Variants in SMARCAL1 observed in about 807,000 individuals in gnomAD.
SMARCAL1 encodes SNF2 related chromatin remodeling annealing helicase 1.
In SMARCAL1, 58 loss-of-function variants were observed where a neutral mutation model predicts 94.5. That is an observed-to-expected ratio of 0.61 (90% CI 0.50 to 0.76). The LOEUF is 0.76. Ranked by LOEUF, SMARCAL1 falls within the 30% of genes least tolerant of loss-of-function variation. The pLI, the probability that SMARCAL1 is intolerant of heterozygous loss-of-function variation, is 0.00. For synonymous variants in SMARCAL1, 422 were observed against 455.1 expected (o/e 0.93, Z 0.93); for missense variants, 1,051 against 1,177.9 (o/e 0.89, Z 1.58).
intron 11 of SMARCAL1, among the ~76,000 whole-genome samples, chr2:216,448,746 C>T (rs899300865): frequency 2.6e-5 from 4 of 152,008 alleles, no homozygotes; most frequent in Admixed American, 6.6e-5. Context: ...GCACGAGAAT[C>T]GCTTCAACCC....
At chr2:216,423,492 C>T (rs962028577) in intron 5 of SMARCAL1, 141 bp from the exon 6 acceptor site, 29 of 736,094 alleles carry the variant, frequency 3.9e-5, no homozygotes, top group East Asian at 7.8e-5. Flanking sequence ...TTTCTGTATC[C>T]GCAGTGCTAG....
intron 6 of SMARCAL1, among the ~76,000 whole-genome samples, chr2:216,425,560 C>T (rs906990345): frequency 2.0e-5 from 3 of 152,166 alleles, no homozygotes; most frequent in African/African-American, 7.2e-5. Flanking sequence ...GGCGAGCAGA[C>T]CAAGAATGTG....
chr2:216,438,095 G>C (rs1297597882), intron 9 of SMARCAL1, among the ~76,000 whole-genome samples: 1 of 152,252 alleles, frequency 6.6e-6, no homozygotes, highest in East Asian at 1.9e-4. Context: ...ACAGGTGGGA[G>C]GTGCCTCTTA....
At chr2:216,436,993 A>G (rs1694094556) in intron 9 of SMARCAL1, among the ~76,000 whole-genome samples, 1 of 152,246 alleles carries the variant, frequency 6.6e-6, no homozygotes, top group Admixed American at 6.5e-5. Flanking sequence ...AACCTGCTGT[A>G]TGATTTTTGG....
chr2:216,457,710 C>T (rs568237624), intron 12 of SMARCAL1, among the ~76,000 whole-genome samples: 24 of 152,280 alleles, frequency 1.6e-4, no homozygotes, highest in African/African-American at 5.8e-4. Flanking sequence ...AAATTTATAG[C>T]ACTAAATGCC....
intron 12 of SMARCAL1, among the ~76,000 whole-genome samples, chr2:216,454,559 T>G (rs1219293160): frequency 1.3e-5 from 2 of 152,168 alleles, no homozygotes; most frequent in Non-Finnish European, 2.9e-5. Flanking sequence ...AGTTTCCTAA[T>G]CTGCACAGTG....
chr2:216,453,685 G>A (rs2106058423), intron 12 of SMARCAL1, among the ~76,000 whole-genome samples: 1 of 152,258 alleles, frequency 6.6e-6, no homozygotes, highest in Non-Finnish European at 1.5e-5. Context: ...AGGCCCTGTG[G>A]ATCTATAGAA....
chr2:216,414,713 G>T lies in SMARCAL1; in HGVS notation c.9G>T (p.Leu3Phe). ...AGCATTTCTCTGTGAAAATGTCCTT[G>T]CCTCTTACAGAGGAGCAGAGGAAAA... MS[L>F]PLTEEQRKKI... Residue 3 changes from leucine (L) to phenylalanine (F), a missense_variant, in exon 3 of 18, where the codon TTG (leucine) becomes TTT (phenylalanine). Physicochemically the swap from Leu to Phe is conservative, Grantham distance 22. Around this residue, in one of 3 missense-constraint regions of SMARCAL1, gnomAD observed 398 missense variants for 395.2 expected, o/e 1.01. Transcript: ENST00000357276. 1 of 1,613,574 alleles carries T rather than the reference G, an allele frequency of 6.2e-7. No homozygotes were observed. The highest frequency in any genetic ancestry group is 8.5e-7 in the Non-Finnish European group (1 of 1,179,506).
intron 12 of SMARCAL1, among the ~76,000 whole-genome samples, chr2:216,459,552 C>G (rs1274902169): frequency 6.6e-6 from 1 of 152,016 alleles, no homozygotes; most frequent in Non-Finnish European, 1.5e-5. Context: ...CTATCTGATC[C>G]TTGACAAACC....
chr2:216,461,387 A>C (rs895479284), intron 12 of SMARCAL1, among the ~76,000 whole-genome samples: 1 of 151,880 alleles, frequency 6.6e-6, no homozygotes, highest in Non-Finnish European at 1.5e-5. Context: ...ATGTATCTGC[A>C]TATAAATATA....
intron 10 of SMARCAL1, among the ~76,000 whole-genome samples, chr2:216,443,580 G>A (rs556894365): frequency 6.6e-6 from 1 of 152,268 alleles, no homozygotes; most frequent in Admixed American, 6.5e-5. Context: ...TAGCTTGAAG[G>A]CATTATGGTT....
At chr2:216,430,829 C>T (rs1026430552) in intron 7 of SMARCAL1, among the ~76,000 whole-genome samples, 1 of 152,250 alleles carries the variant, frequency 6.6e-6, no homozygotes, top group Admixed American at 6.5e-5. Flanking sequence ...CCTCGCTGGC[C>T]ACCAATTTTG....
At chr2:216,462,199 T>C (rs534576047) in intron 12 of SMARCAL1, among the ~76,000 whole-genome samples, 1 of 152,356 alleles carries the variant, frequency 6.6e-6, no homozygotes, top group Admixed American at 6.5e-5. Context: ...GCAAGATTCC[T>C]GAAAGTGCTT....
intron 7 of SMARCAL1, among the ~76,000 whole-genome samples, 154 bp downstream of exon 7, chr2:216,428,936 G>A (rs1008421614): frequency 1.3e-5 from 2 of 152,212 alleles, no homozygotes; most frequent in African/African-American, 2.4e-5. Flanking sequence ...CAGGTGTGCT[G>A]TTACCAAAGC....
chr2:216,456,967 A>G (rs1694580500), intron 12 of SMARCAL1, among the ~76,000 whole-genome samples: 1 of 152,240 alleles, frequency 6.6e-6, no homozygotes, highest in South Asian at 2.1e-4. Flanking sequence ...GTGCAGAGAC[A>G]CATAGGCTCA....
intron 3 of SMARCAL1, 115 bp downstream of exon 3, chr2:216,415,630 C>T: frequency 9.9e-7 from 1 of 1,007,378 alleles, no homozygotes; most frequent in Non-Finnish European, 1.5e-6. Context: ...GCTGTCCATC[C>T]AGTTGTTAAA....
chr2:216,436,356 T>A (rs1452330947), intron 9 of SMARCAL1, among the ~76,000 whole-genome samples: 1 of 152,208 alleles, frequency 6.6e-6, no homozygotes, highest in African/African-American at 2.4e-5. Context: ...TACTTTTAAC[T>A]CCTCACATAC....
Position 216,447,138 on chromosome 2 carries a change from C to G in SMARCAL1, c.1831C>G (p.Arg611Gly), listed in dbSNP as rs1694335277. Reference sequence around the variant, plus strand: ...CCCCCAGTTTCATGCCTTTGGACTTCGCTACTGTGATGCCAAACGGGTATG... The same window carrying G: ...CCCCCAGTTTCATGCCTTTGGACTTGGCTACTGTGATGCCAAACGGGTATG... ...FFPQFHAFGL[R>G]YCDAKRMPWG... is the part of the protein sequence containing the mutation. The change falls in exon 11 of 18, where the codon CGC (arginine) becomes GGC (glycine). Residue 611 changes from arginine (R) to glycine (G), a missense_variant. Arg to Gly is a moderately radical substitution (Grantham distance 125, BLOSUM62 -2). Coordinates refer to ENST00000357276, the MANE Select transcript of SMARCAL1 (RefSeq NM_014140.4). The G allele has an allele frequency of 6.2e-7, 1 of 1,613,944 alleles. No homozygotes were observed. The highest frequency in any genetic ancestry group is 8.5e-7 in the Non-Finnish European group (1 of 1,180,010).
chr2:216,481,152 A>G (rs1028581189), intron 17 of SMARCAL1, among the ~76,000 whole-genome samples: 2 of 152,126 alleles, frequency 1.3e-5, no homozygotes, highest in African/African-American at 4.8e-5. Flanking sequence ...CTGCTTTGAG[A>G]ATATAGGAGA....
Sources: gnomAD v4.1 joint callset for allele counts (sites outside exome capture counted in the v4.1 genomes callset) on GRCh38, gnomAD v4.1.1 for gene constraint, gnomAD v4.1.1 regional missense constraint, MANE v1.5 for transcripts, NCBI Gene and HGNC (gene_info 2026-07-23, HGNC 2026-07-21) for gene names.